The following PGAP4 variants were observed in gnomAD, a reference collection of about 807,000 sequenced individuals.
PGAP4 encodes the protein post-GPI attachment to proteins GalNAc transferase 4, also known as GPI-N-acetylgalactosamine transferase PGAP4.
A neutral mutation model predicts 28.2 loss-of-function variants in PGAP4; 12 were observed. That is an observed-to-expected ratio of 0.42 (90% CI 0.27 to 0.69). The LOEUF (loss-of-function observed/expected upper bound fraction) is 0.69, where lower values mean the gene tolerates loss of function less well. Ranked by LOEUF, PGAP4 falls within the 30% of genes least tolerant of loss-of-function variation. The pLI, the probability that PGAP4 is intolerant of heterozygous loss-of-function variation, is 0.22. For missense variants in PGAP4, 425 were observed against 513.5 expected, an observed-to-expected ratio of 0.83 and a Z score of 1.67; for synonymous variants, 205 against 211.8, an observed-to-expected ratio of 0.97 and a Z score of 0.28.
intron 2 of PGAP4, among the ~76,000 whole-genome samples, chr9:101,523,643 T>TTTTTTTTTTTG: frequency 7.2e-6 from 1 of 138,008 alleles, no homozygotes; most frequent in Non-Finnish European, 1.6e-5. Context: ...TTTTTTTTTT[T>TTTTTTTTTTTG]TTTTTTTTTG....
upstream of PGAP4, chr9:101,533,576 C>T (rs1021084405): frequency 6.6e-6 from 1 of 152,246 alleles, no homozygotes; most frequent in African/African-American, 2.4e-5. Context: ...ACTTTATCCC[C>T]GCAGAAAGAC....
intron 2 of PGAP4, among the ~76,000 whole-genome samples, chr9:101,513,662 T>C (rs1826917838): frequency 6.6e-6 from 1 of 150,890 alleles, no homozygotes; most frequent in African/African-American, 2.4e-5. Flanking sequence ...ACAGAACCAA[T>C]GGGATGGATG....
chr9:101,521,799 C>A (rs1826990518), intron 2 of PGAP4, among the ~76,000 whole-genome samples: 1 of 152,026 alleles, frequency 6.6e-6, no homozygotes, highest in African/African-American at 2.4e-5. Flanking sequence ...TGAGGTATGA[C>A]CTCAGAGTGT....
At chr9:101,484,322 G>T (rs1826564183) in intron 1 of PGAP4, among the ~76,000 whole-genome samples, 1 of 152,116 alleles carries the variant, frequency 6.6e-6, no homozygotes. Flanking sequence ...AGGAAGAACT[G>T]CAGGCAAATG....
intron 2 of PGAP4, among the ~76,000 whole-genome samples, chr9:101,517,298 T>C (rs1826951204): frequency 6.6e-6 from 1 of 152,098 alleles, no homozygotes; most frequent in East Asian, 1.9e-4. Context: ...AAGAAATTTA[T>C]GAAATAAAGG....
chr9:101,526,275 A>T (rs1184187112), intron 2 of PGAP4, among the ~76,000 whole-genome samples: 3 of 152,228 alleles, frequency 2.0e-5, no homozygotes, highest in Non-Finnish European at 4.4e-5. Context: ...AAGCAAGCAC[A>T]AATAAGAAAA....
Position 101,476,118 on chromosome 9 carries a change from A to G in PGAP4, c.975T>C (p.Ser325=). 6.2e-7 allele frequency: 1 copy of G among 1,614,036 alleles called. No homozygotes were observed. The highest frequency in any genetic ancestry group is 8.5e-7 in the Non-Finnish European group (1 of 1,179,966). ...ELRRLSPSLY[S]VVPASQCCTP... ...TGCAACACTGAGAGGCAGGAACCAC[A>G]CTGTACAGGGAAGGACTCAGCCGCC... The change falls in exon 2 of 2, where the codon AGT becomes AGC. Residue 325 remains serine, a synonymous_variant. Transcript: ENST00000374848. This position sits in a 1 kb window ranked among gnomAD's most constrained non-coding sequence, Gnocchi z 7.0.
chr9:101,502,464 CT>C (rs1368795850), intron 2 of PGAP4, among the ~76,000 whole-genome samples: 4 of 151,990 alleles, frequency 2.6e-5, no homozygotes, highest in Non-Finnish European at 5.9e-5. Flanking sequence ...ACTCTTCCCC[CT>C]CACCCAGCCA....
chr9:101,494,891 A>C (rs565439419), intron 2 of PGAP4, among the ~76,000 whole-genome samples: 1 of 151,098 alleles, frequency 6.6e-6, no homozygotes, highest in South Asian at 2.1e-4. Context: ...GACTTTTATA[A>C]ATTTTATATA....
chr9:101,526,002 G>C (rs1357961066), intron 2 of PGAP4, among the ~76,000 whole-genome samples: 1 of 151,426 alleles, frequency 6.6e-6, no homozygotes, highest in African/African-American at 2.4e-5. Context: ...ACCTGGAATA[G>C]CTGAATCATT....
Position 101,476,803 on chromosome 9 carries a change from G to A in PGAP4, c.290C>T (p.Thr97Ile), listed in dbSNP as rs778188681. The change falls in exon 2 of 2, where the codon ACC becomes ATC. Residue 97 changes from threonine to isoleucine, a missense_variant. Physicochemically the swap from Thr to Ile is moderately conservative, Grantham distance 89 (BLOSUM62 -1). Transcript: ENST00000374848. The surrounding 1 kb of genome is among the most constrained non-coding windows in gnomAD (Gnocchi z 7.0). The part of the protein sequence containing the change: ...NGSVPIVWQA[T>I]PRPWLVITII... Reference sequence around the variant, plus strand: ...GGTGATCACCAGCCAGGGCCGGGGGGTGGCCTGCCAGACAATGGGCACTGA... The same window carrying A: ...GGTGATCACCAGCCAGGGCCGGGGGATGGCCTGCCAGACAATGGGCACTGA... 1.9e-6 allele frequency: 3 copies of A among 1,611,304 alleles called. No individual in the cohort carries two copies. The highest frequency in any genetic ancestry group is 1.1e-5 in the South Asian group (1 of 90,566).
chr9:101,506,612 G>A (rs1261014038), intron 2 of PGAP4, among the ~76,000 whole-genome samples: 1 of 152,050 alleles, frequency 6.6e-6, no homozygotes, highest in Non-Finnish European at 1.5e-5. Flanking sequence ...AGATACAGAG[G>A]AAGAGGACGG....
chr9:101,526,399 A>G (rs1456643742), intron 2 of PGAP4, among the ~76,000 whole-genome samples: 3 of 152,194 alleles, frequency 2.0e-5, no homozygotes, highest in African/African-American at 7.2e-5. Context: ...TCCCTGTACT[A>G]TTGAAATCTC....
At chr9:101,529,316 CA>C (rs1361436975) in intron 2 of PGAP4, among the ~76,000 whole-genome samples, 1 of 152,002 alleles carries the variant, frequency 6.6e-6, no homozygotes, top group African/African-American at 2.4e-5. Flanking sequence ...CCACCATGCC[CA>C]GCTAATTTTG....
intron 1 of PGAP4, chr9:101,480,052 A>G (rs1439245789): frequency 1.4e-5 from 2 of 145,376 alleles, no homozygotes; most frequent in African/African-American, 5.5e-5. Context: ...GATTCAATAG[A>G]AAAAAAAAAG....
chr9:101,500,295 G>T (rs1472730625), intron 2 of PGAP4, among the ~76,000 whole-genome samples: 6 of 152,000 alleles, frequency 3.9e-5, no homozygotes, highest in Admixed American at 3.9e-4. Flanking sequence ...TCTGAGGAGA[G>T]AATCCATTTT....
At chr9:101,493,082 G>A (rs1826705561) in intron 2 of PGAP4, among the ~76,000 whole-genome samples, 1 of 151,730 alleles carries the variant, frequency 6.6e-6, no homozygotes, top group Admixed American at 6.6e-5. Flanking sequence ...GTGAAAACCC[G>A]TCTCTACTAA....
intron 2 of PGAP4, among the ~76,000 whole-genome samples, chr9:101,523,520 C>T (rs1288237644): frequency 1.4e-5 from 2 of 145,944 alleles, no homozygotes; most frequent in South Asian, 2.2e-4. Context: ...GAGCATTTCA[C>T]ATTTCTAAAA....
upstream of PGAP4, chr9:101,533,483 T>A (rs1827130969): frequency 6.6e-6 from 1 of 152,204 alleles, no homozygotes; most frequent in Non-Finnish European, 1.5e-5. Flanking sequence ...GCTAGTCATG[T>A]CCCCGGAGAT....
Sources: allele counts gnomAD v4.1 joint callset (sites outside exome capture counted in the v4.1 genomes callset), GRCh38; gene constraint gnomAD v4.1.1; non-coding constraint Gnocchi (gnomAD v3.1); transcripts MANE v1.5; gene names NCBI Gene and HGNC (gene_info 2026-07-23, HGNC 2026-07-21).